The following CHD6 variants were observed in gnomAD, a reference collection of about 807,000 sequenced individuals.
CHD6 encodes the protein chromodomain helicase DNA binding protein 6, also known as ATP-dependent chromatin remodeler CHD6.
Under a neutral mutation model 276.9 loss-of-function variants are expected in CHD6, and 50 were observed. That is an observed-to-expected ratio of 0.18 (90% CI 0.14 to 0.23). CHD6 has a LOEUF of 0.23. Ranked by LOEUF, CHD6 falls within the 10% of genes least tolerant of loss-of-function variation. The pLI is 1.00. For missense variants in CHD6, 2,564 were observed against 3,365.8 expected (o/e 0.76, Z 5.89); for synonymous variants, 1,173 against 1,229.3 (o/e 0.95, Z 0.96).
intron 1 of CHD6, among the ~76,000 whole-genome samples, chr20:41,601,363 C>T (rs2045771582): frequency 6.6e-6 from 1 of 152,130 alleles, no homozygotes; most frequent in Non-Finnish European, 1.5e-5. Flanking sequence ...ATTTATATGC[C>T]CAACTCTAGA....
chr20:41,524,265 T>C (rs754968561), intron 3 of CHD6, among the ~76,000 whole-genome samples: 1 of 152,224 alleles, frequency 6.6e-6, no homozygotes, highest in Non-Finnish European at 1.5e-5. Flanking sequence ...TGAGTTGGTA[T>C]TGATTTTTTA....
intron 2 of CHD6, among the ~76,000 whole-genome samples, chr20:41,537,570 G>C (rs918972902): frequency 3.9e-5 from 6 of 152,074 alleles, no homozygotes; most frequent in Non-Finnish European, 1.5e-5. Flanking sequence ...CCCCAGAATA[G>C]GAGAAAATAT....
intron 3 of CHD6, among the ~76,000 whole-genome samples, chr20:41,530,262 T>C (rs1373543729): frequency 6.6e-6 from 1 of 152,110 alleles, no homozygotes; most frequent in Non-Finnish European, 1.5e-5. Context: ...GGCGATCTGA[T>C]TTACCACCAC....
At chr20:41,463,071 AC>A (rs1212384732) in intron 17 of CHD6, among the ~76,000 whole-genome samples, 2 of 152,236 alleles carry the variant, frequency 1.3e-5, no homozygotes, top group African/African-American at 4.8e-5. Flanking sequence ...TGAGAATAAC[AC>A]TTAAAGCTCG....
chr20:41,494,053 C>A (rs968390419), intron 8 of CHD6, 109 bp from the exon 9 acceptor site: 7 of 710,606 alleles, frequency 9.9e-6, no homozygotes, highest in Non-Finnish European at 1.7e-5. Context: ...TCAACAAACA[C>A]AAAAAGAAAG....
chr20:41,414,944 A>G, intron 34 of CHD6: 1 of 1,357,078 alleles, frequency 7.4e-7, no homozygotes, highest in Non-Finnish European at 9.5e-7. Flanking sequence ...GGTTGTTCCT[A>G]TTTGAAATGG....
intron 3 of CHD6, among the ~76,000 whole-genome samples, chr20:41,517,087 T>A (rs1217379668): frequency 6.6e-6 from 1 of 152,156 alleles, no homozygotes; most frequent in African/African-American, 2.4e-5. Context: ...CAGCACAAAC[T>A]CTGCCCAGCT....
chr20:41,586,512 T>C (rs2045596755), intron 1 of CHD6, among the ~76,000 whole-genome samples: 1 of 152,206 alleles, frequency 6.6e-6, no homozygotes, highest in Non-Finnish European at 1.5e-5. Context: ...GTTCCATTCC[T>C]TAGAATCTGT....
chr20:41,405,083 G>C lies in CHD6; in HGVS notation c.7658C>G (p.Ser2553Cys), dbSNP rs2046632005. Residue 2553 changes from serine (S) to cysteine (C), a missense_variant, in exon 37 of 37, where the codon TCT becomes TGT. By Grantham distance (112) the Ser-to-Cys change is moderately radical. Around this residue, in one of 7 missense-constraint regions of CHD6, gnomAD observed 238 missense variants for 266.0 expected, o/e 0.89. Transcript: ENST00000373233. ...ACCACTTTTCGTTGTGCTTGATAGA[G>C]ACGCCGGAGCAGTGGAAGTGCAGGT... ...ATTCTSTAPA[S>C]LSSTTKSGTA... 2 of 1,614,250 alleles carry C rather than the reference G, an allele frequency of 1.2e-6. No homozygotes were observed. The highest frequency in any genetic ancestry group is 2.7e-5 in the African/African-American group (2 of 75,072).
chr20:41,497,252 C>G (rs1256900288), intron 8 of CHD6, 132 bp downstream of exon 8: 10 of 682,120 alleles, frequency 1.5e-5, no homozygotes, highest in Non-Finnish European at 2.6e-5. Context: ...TGTTGCAAAT[C>G]AGCACACATT....
At chr20:41,588,293 G>A (rs1162197029) in intron 1 of CHD6, among the ~76,000 whole-genome samples, 1 of 152,118 alleles carries the variant, frequency 6.6e-6, no homozygotes, top group Non-Finnish European at 1.5e-5. Flanking sequence ...TTTTCACTCA[G>A]GCATCTGAGT....
At chr20:41,424,325 T>G (rs1007480906) in intron 29 of CHD6, among the ~76,000 whole-genome samples, 1 of 152,182 alleles carries the variant, frequency 6.6e-6, no homozygotes, top group Non-Finnish European at 1.5e-5. Context: ...AGTCAATGAC[T>G]TAAGGGAGGT....
At chr20:41,544,302 C>T (rs982860023) in intron 2 of CHD6, among the ~76,000 whole-genome samples, 3 of 152,102 alleles carry the variant, frequency 2.0e-5, no homozygotes, top group South Asian at 2.1e-4. Context: ...ACTCGTTATG[C>T]GAGCTAAAAA....
intron 16 of CHD6, among the ~76,000 whole-genome samples, chr20:41,479,409 T>C (rs1364352585): frequency 6.6e-6 from 1 of 152,060 alleles, no homozygotes; most frequent in Non-Finnish European, 1.5e-5. Context: ...ATCTTAGAAG[T>C]AGCCAGAATA....
intron 1 of CHD6, among the ~76,000 whole-genome samples, chr20:41,560,258 GAGCCCTGCATA>G (rs1455880927): frequency 1.3e-5 from 2 of 152,084 alleles, no homozygotes; most frequent in East Asian, 3.9e-4. Context: ...TCATAACACA[GAGCCCTGCATA>G]AGCGATCTGG....
At chr20:41,509,114 G>C (rs2044050218) in intron 5 of CHD6, among the ~76,000 whole-genome samples, 1 of 152,070 alleles carries the variant, frequency 6.6e-6, no homozygotes, top group Non-Finnish European at 1.5e-5. Flanking sequence ...GAACAATCAG[G>C]AGTGATCATC....
intron 1 of CHD6, among the ~76,000 whole-genome samples, chr20:41,576,618 G>A (rs1420781241): frequency 1.3e-5 from 2 of 152,148 alleles, no homozygotes; most frequent in African/African-American, 4.8e-5. Context: ...AGGTTGCAGT[G>A]AGCTGAGATC....
Position 41,593,212 on chromosome 20 carries a change from G to GGC in CHD6, c.-24+25127_-24+25128insGC, listed in dbSNP as rs1555811173. On this transcript the variant is annotated intron_variant, in intron 1 of 36. Coordinates refer to ENST00000373233, the MANE Select transcript of CHD6 (RefSeq NM_032221.5). ...TCAGCCCAATCAAAAAGGGGGGGGG[G>GGC]GGTTAAATAGTAAAAGAGGGATATG... Among the ~76,000 whole-genome samples, 14 of 147,700 alleles carry GGC rather than the reference G, an allele frequency of 9.5e-5. 1 individual carries two copies. The highest frequency in any genetic ancestry group is 2.0e-4 in the Non-Finnish European group (13 of 65,978).
intron 2 of CHD6, among the ~76,000 whole-genome samples, chr20:41,539,476 C>T (rs575783539): frequency 2.0e-4 from 30 of 152,290 alleles, no homozygotes; most frequent in Admixed American, 4.6e-4. Context: ...GACACCTGGT[C>T]ACTGGTCACT....
Sources: gnomAD v4.1 joint callset for allele counts (sites outside exome capture counted in the v4.1 genomes callset) on GRCh38, gnomAD v4.1.1 for gene constraint, gnomAD v4.1.1 regional missense constraint, MANE v1.5 for transcripts, NCBI Gene and HGNC (gene_info 2026-07-23, HGNC 2026-07-21) for gene names.